Variants in INTS1 observed in about 807,000 individuals in gnomAD.
INTS1 encodes the protein integrator complex subunit 1.
INTS1 carries 137 observed loss-of-function variants against 241.6 expected under a neutral mutation model. The ratio of observed to expected loss-of-function variants is 0.57; its 90% CI spans 0.49 to 0.65. The LOEUF is 0.65. INTS1 is among the 30% of genes least tolerant of loss of function. The probability of loss-of-function intolerance (pLI) is 0.00; values close to 1 mark genes in which losing one functional copy is unlikely to be tolerated. For missense variants in INTS1, 3,073 were observed against 3,032.2 expected (o/e 1.01, Z -0.32); for synonymous variants, 1,692 against 1,337.8 (o/e 1.26, Z -5.78).
chr7:1,470,459 G>A lies in INTS1; in HGVS notation c.*118C>T, dbSNP rs1036340358. The A allele has an allele frequency of 1.3e-6, 1 of 760,950 alleles. No homozygotes were observed. The highest frequency in any genetic ancestry group is 3.0e-5 in the East Asian group (1 of 33,134). 47.1% of individuals were successfully genotyped at this position (760,950 alleles called of 1,614,324 possible). A position where few individuals can be genotyped will look rare whatever the true frequency, so the allele number is the denominator to read the frequency against. On this transcript the variant is annotated 3_prime_UTR_variant, in exon 48 of 48. Transcript: ENST00000404767. The stretch of plus-strand genomic sequence containing the variant: ...GCTCCTGGGCCTGCCTGGCCTCAGG[G>A]CTCGGCGCCCTCACCTCCTCGGACA...
At chr7:1,499,398 A>G in intron 6 of INTS1, 38 bp from the exon 7 acceptor site, 1 of 564,012 alleles carries the variant, frequency 1.8e-6, no homozygotes, top group Non-Finnish European at 2.6e-6. Context: ...AGCGCCTCCC[A>G]CCCGCCCATC....
intron 3 of INTS1, among the ~76,000 whole-genome samples, chr7:1,502,400 C>T (rs959698752): frequency 6.6e-6 from 1 of 152,154 alleles, no homozygotes; most frequent in African/African-American, 2.4e-5. Flanking sequence ...AGTGGTGAAG[C>T]TTACATTCCC....
At chr7:1,499,815 C>A in intron 5 of INTS1, 69 bp downstream of exon 5, 1 of 1,540,158 alleles carries the variant, frequency 6.5e-7, no homozygotes. Flanking sequence ...CACACTTCTG[C>A]TTTTCTCTCG....
intron 37 of INTS1, 54 bp downstream of exon 37, chr7:1,476,516 C>A (rs756604704): frequency 6.2e-7 from 1 of 1,609,272 alleles, no homozygotes. Flanking sequence ...GGGCCACCCC[C>A]TCTCCCGGAT....
chr7:1,477,431 G>C, intron 35 of INTS1, 119 bp downstream of exon 35: 1 of 1,186,774 alleles, frequency 8.4e-7, no homozygotes. Context: ...CATGGCCTGA[G>C]AGCAGGGGGG....
intron 44 of INTS1, 31 bp downstream of exon 44, chr7:1,472,242 C>A: frequency 6.7e-7 from 1 of 1,499,098 alleles, no homozygotes; most frequent in Non-Finnish European, 9.1e-7. Flanking sequence ...AGGGCGCTGA[C>A]CTGGCGTGGG....
Position 1,473,194 on chromosome 7 carries a change from G to A in INTS1, c.5958-10C>T. Reference sequence around the variant, plus strand: ...GTCGAAGGACAGGTCGCTGGGGAGAGAAGATGCTTTCACCTGGGAGGAAGA... The same window carrying A: ...GTCGAAGGACAGGTCGCTGGGGAGAAAAGATGCTTTCACCTGGGAGGAAGA... On this transcript the variant is annotated splice_polypyrimidine_tract_variant and intron_variant, in intron 42 of 47. Coordinates refer to ENST00000404767, the MANE Select transcript of INTS1 (RefSeq NM_001080453.3). 6.3e-7 allele frequency: 1 copy of A among 1,594,626 alleles called. No individual in the cohort carries two copies. Among genetic ancestry groups the A allele is most frequent in the Non-Finnish European group, 8.6e-7 (1 of 1,165,508 alleles).
intron 5 of INTS1, 38 bp from the exon 6 acceptor site, chr7:1,499,670 G>T: frequency 6.4e-7 from 1 of 1,563,216 alleles, no homozygotes; most frequent in Non-Finnish European, 8.7e-7. Flanking sequence ...GAGCCCAGCC[G>T]GGCAGCAGCC....
At chr7:1,471,798 C>A in intron 44 of INTS1, 157 bp from the exon 45 acceptor site, 1 of 667,636 alleles carries the variant, frequency 1.5e-6, no homozygotes, top group East Asian at 2.7e-5. Context: ...TCACCTGCCC[C>A]CAAGCTCCAC....
intron 2 of INTS1, among the ~76,000 whole-genome samples, chr7:1,503,560 G>A (rs1200304058): frequency 2.6e-5 from 4 of 152,222 alleles, no homozygotes; most frequent in Non-Finnish European, 4.4e-5. Flanking sequence ...GGCAAAGTCC[G>A]GAGGATCTGA....
chr7:1,476,139 C>T, intron 38 of INTS1, 68 bp from the exon 39 acceptor site: 1 of 1,525,926 alleles, frequency 6.6e-7, no homozygotes, highest in Non-Finnish European at 8.8e-7. Flanking sequence ...TGGACGGGAC[C>T]AGGCGTGATG....
At position 1,479,825 on chromosome 7, in the gene INTS1, G is replaced by C. The variant is rs957213741; in HGVS notation, c.4075-141C>G. ...GTTCATTCGTAGCCCCCACCTTGTG[G>C]CCTGAGGGGCCCAGGGCCCTTGAGA... On this transcript the variant is annotated intron_variant, in intron 30 of 47. Coordinates refer to ENST00000404767, the MANE Select transcript of INTS1 (RefSeq NM_001080453.3). 26 of 946,360 alleles carry C rather than the reference G, an allele frequency of 2.7e-5. No homozygotes were observed. In the Admixed American group the frequency reaches 7.5e-4, roughly 27 times the overall value. The allele number at this position is 946,360 out of a possible 1,614,324, so 58.6% of individuals were successfully genotyped here.
intron 45 of INTS1, 150 bp downstream of exon 45, chr7:1,471,421 G>A (rs753396781): frequency 8.0e-6 from 8 of 1,001,544 alleles, no homozygotes; most frequent in Non-Finnish European, 1.2e-5. Flanking sequence ...GCTTGACTGT[G>A]AACACCTGGG....
intron 42 of INTS1, 53 bp downstream of exon 42, chr7:1,473,513 C>T (rs376504349): frequency 1.6e-5 from 25 of 1,548,964 alleles, no homozygotes; most frequent in Admixed American, 1.4e-4. Context: ...CTCCAGACCC[C>T]GCTGGACCCT....
rs1260479185 is a variant in INTS1 at position 1,481,285 on chromosome 7, C to G, written c.3850+57G>C. On this transcript the variant is annotated intron_variant, in intron 28 of 47. Coordinates refer to ENST00000404767, the MANE Select transcript of INTS1 (RefSeq NM_001080453.3). This position sits in a 1 kb window ranked among gnomAD's most constrained non-coding sequence, Gnocchi z 6.8. ...CGCACCCAGGCCCCAAAAGCCTGGC[C>G]GGGCTGGGGCTCGGTCAGCGTGTGT... is the stretch of plus-strand genomic sequence containing the variant. 7 of 1,603,388 alleles carry G rather than the reference C, an allele frequency of 4.4e-6. No homozygotes were observed. Among genetic ancestry groups the G allele is most frequent in the Non-Finnish European group, 6.0e-6 (7 of 1,173,912 alleles).
At position 1,499,148 on chromosome 7, in the gene INTS1, C is replaced by A. The variant is rs372762131; in HGVS notation, c.964G>T (p.Ala322Ser). Reference protein sequence around the residue: ...GQLMPRYEELAESVEEYVLDM... With the variant: ...GQLMPRYEELSESVEEYVLDM... ...AGGACATACTCCTCCACGCTCTCCG[C>A]GAGCTCTTCGTACCTAGGCCAGAGG... is the stretch of plus-strand genomic sequence containing the variant. The change falls in exon 8 of 48, where the codon GCG becomes TCG. Residue 322 changes from alanine (A) to serine (S), a missense_variant. Coordinates refer to ENST00000404767, the MANE Select transcript of INTS1 (RefSeq NM_001080453.3). 3.4e-5 allele frequency: 55 copies of A among 1,609,830 alleles called. No individual in the cohort carries two copies. The African/African-American group carries it at 6.7e-4, about 20-fold the overall frequency.
intron 37 of INTS1, 49 bp downstream of exon 37, chr7:1,476,521 C>T (rs749610464): frequency 6.2e-7 from 1 of 1,610,070 alleles, no homozygotes; most frequent in Admixed American, 1.7e-5. Context: ...ACCCCCTCTC[C>T]CGGATGGGCC....
chr7:1,497,025 G>T lies in INTS1; in HGVS notation c.1602+113C>A. Reference sequence around the variant, plus strand: ...CAGCCTCACTCATCCCCGTACCCACGCTCAGCCAGAGCATCCGAAGGGGTG... The same window carrying T: ...CAGCCTCACTCATCCCCGTACCCACTCTCAGCCAGAGCATCCGAAGGGGTG... On this transcript the variant is annotated intron_variant, in intron 11 of 47. Transcript: ENST00000404767. The surrounding 1 kb of genome is among the most constrained non-coding windows in gnomAD (Gnocchi z 5.3). 9.0e-7 allele frequency: 1 copy of T among 1,108,192 alleles called. No homozygotes were observed. Among genetic ancestry groups the T allele is most frequent in the Non-Finnish European group, 1.3e-6 (1 of 796,064 alleles). 68.6% of individuals were successfully genotyped at this position (1,108,192 alleles called of 1,614,324 possible).
Position 1,487,305 on chromosome 7 carries a change from A to G in INTS1, c.2646+15T>C, listed in dbSNP as rs774788805. The G allele has an allele frequency of 2.5e-6, 4 of 1,578,262 alleles. No individual in the cohort carries two copies. In the East Asian group the frequency reaches 9.3e-5, roughly 37 times the overall value. ...CAAGACCACCATCTCTACCTCCTGG[A>G]GCCTCGGCACTCACCTGCCGCTGGA... On this transcript the variant is annotated intron_variant, in intron 20 of 47. Coordinates refer to ENST00000404767, the MANE Select transcript of INTS1 (RefSeq NM_001080453.3).
Sources: gnomAD v4.1 joint callset for allele counts (sites outside exome capture counted in the v4.1 genomes callset) on GRCh38, gnomAD v4.1.1 for gene constraint, Gnocchi (gnomAD v3.1) non-coding constraint, MANE v1.5 for transcripts, NCBI Gene and HGNC (gene_info 2026-07-23, HGNC 2026-07-21) for gene names.